Variants in EIF4G3 observed in about 807,000 individuals in gnomAD.
EIF4G3 encodes eIF-4-gamma 3.
EIF4G3 carries 34 observed loss-of-function variants against 186.4 expected under a neutral mutation model. The observed-to-expected ratio is 0.18, with a 90% CI of 0.14 to 0.24. EIF4G3 has a LOEUF of 0.24. Ranked by LOEUF, EIF4G3 falls within the 10% of genes least tolerant of loss-of-function variation. EIF4G3 has a pLI of 1.00. For synonymous variants in EIF4G3, 673 were observed against 679.5 expected, an observed-to-expected ratio of 0.99 and a Z score of 0.15; for missense variants, 1,536 against 1,948.5, an observed-to-expected ratio of 0.79 and a Z score of 3.99.
intron 24 of EIF4G3, among the ~76,000 whole-genome samples, chr1:20,858,147 T>C (rs893582316): frequency 6.6e-6 from 1 of 152,206 alleles, no homozygotes. Context: ...TGGCAGCCAG[T>C]GTGATCCTAG....
chr1:21,018,577 T>C (rs2089881628), intron 4 of EIF4G3, among the ~76,000 whole-genome samples: 1 of 149,606 alleles, frequency 6.7e-6, no homozygotes, highest in Non-Finnish European at 1.5e-5. Context: ...AAAAAAAAAA[T>C]TAAGGTGGTA....
At chr1:20,815,883 T>C in intron 34 of EIF4G3, among the ~76,000 whole-genome samples, 1 of 79,676 alleles carries the variant, frequency 1.3e-5, no homozygotes. Context: ...GGAGGGGGGG[T>C]CAGCCCCCTG....
chr1:21,136,176 C>T (rs1173285012), intron 2 of EIF4G3, among the ~76,000 whole-genome samples: 1 of 148,906 alleles, frequency 6.7e-6, no homozygotes, highest in Non-Finnish European at 1.5e-5. Context: ...GGCGACAGAG[C>T]GAGACTCCGT....
intron 2 of EIF4G3, among the ~76,000 whole-genome samples, chr1:21,113,843 C>T (rs776911671): frequency 6.6e-6 from 1 of 152,066 alleles, no homozygotes; most frequent in Non-Finnish European, 1.5e-5. Context: ...GGTAAAACCC[C>T]GTCTCTTCAA....
chr1:20,995,121 C>T (rs562494213), intron 7 of EIF4G3, among the ~76,000 whole-genome samples: 18 of 152,114 alleles, frequency 1.2e-4, no homozygotes, highest in Non-Finnish European at 4.4e-5. Context: ...TAAAGAAAGA[C>T]AAAATGTACC....
chr1:20,906,960 G>A (rs974998611), intron 14 of EIF4G3, among the ~76,000 whole-genome samples: 2 of 152,002 alleles, frequency 1.3e-5, no homozygotes, highest in African/African-American at 2.4e-5. Flanking sequence ...GGAGTAGAAG[G>A]GAAGCAGTCA....
chr1:20,981,809 TA>T (rs1182422644), intron 8 of EIF4G3, among the ~76,000 whole-genome samples: 4 of 151,550 alleles, frequency 2.6e-5, no homozygotes, highest in Non-Finnish European at 5.9e-5. Context: ...ACATACTGTA[TA>T]TATACATACA....
intron 2 of EIF4G3, among the ~76,000 whole-genome samples, chr1:21,169,352 G>A (rs1184814530): frequency 6.6e-6 from 1 of 152,100 alleles, no homozygotes; most frequent in African/African-American, 2.4e-5. Flanking sequence ...TTGGGAGGCT[G>A]AGGCAGAATT....
chr1:21,002,614 T>C, intron 5 of EIF4G3, 99 bp downstream of exon 5: 1 of 1,274,848 alleles, frequency 7.8e-7, no homozygotes, highest in Non-Finnish European at 1.1e-6. Context: ...GGAACAAACT[T>C]CCAAAATCCA....
chr1:21,095,039 A>G (rs573209879), intron 2 of EIF4G3, among the ~76,000 whole-genome samples: 2 of 152,174 alleles, frequency 1.3e-5, no homozygotes, highest in African/African-American at 4.8e-5. Flanking sequence ...TTTCAACTCA[A>G]TTTAATGCTG....
chr1:20,867,890 A>C (rs186157993), intron 20 of EIF4G3, among the ~76,000 whole-genome samples: 2 of 152,314 alleles, frequency 1.3e-5, no homozygotes, highest in East Asian at 3.9e-4. Context: ...GGAAGTATTA[A>C]AACTGAATAA....
At chr1:20,873,589 G>A (rs765125171) in intron 20 of EIF4G3, among the ~76,000 whole-genome samples, 3 of 142,062 alleles carry the variant, frequency 2.1e-5, no homozygotes, top group Admixed American at 7.5e-5. Context: ...GGTTATATTC[G>A]TCTTTAAAAA....
chr1:20,959,559 G>C (rs2096524163), intron 12 of EIF4G3, among the ~76,000 whole-genome samples: 1 of 151,366 alleles, frequency 6.6e-6, no homozygotes, highest in African/African-American at 2.4e-5. Flanking sequence ...AAAACCTTTT[G>C]CACAGCAAAA....
chr1:20,996,561 A>G (rs531300747), intron 7 of EIF4G3, among the ~76,000 whole-genome samples: 18 of 152,204 alleles, frequency 1.2e-4, no homozygotes, highest in Admixed American at 3.3e-4. Flanking sequence ...GCCTTCAACT[A>G]AACAATATCC....
chr1:21,132,337 C>A (rs1290680653), intron 2 of EIF4G3, among the ~76,000 whole-genome samples: 1 of 151,746 alleles, frequency 6.6e-6, no homozygotes, highest in Non-Finnish European at 1.5e-5. Context: ...CATTTTGTTG[C>A]TTTAATTAAA....
chr1:21,075,557 A>G (rs1462785518), intron 3 of EIF4G3, among the ~76,000 whole-genome samples: 1 of 123,148 alleles, frequency 8.1e-6, no homozygotes, highest in East Asian at 2.8e-4. Flanking sequence ...CAACAGAGTG[A>G]GACTCCAACT....
At chr1:21,060,935 A>G (rs977426002) in intron 3 of EIF4G3, among the ~76,000 whole-genome samples, 1 of 152,206 alleles carries the variant, frequency 6.6e-6, no homozygotes, top group African/African-American at 2.4e-5. Flanking sequence ...TTTAACATAT[A>G]TTTATTGAGA....
At chr1:21,117,998 C>T (rs1004419472) in intron 2 of EIF4G3, among the ~76,000 whole-genome samples, 1 of 152,138 alleles carries the variant, frequency 6.6e-6, no homozygotes, top group Non-Finnish European at 1.5e-5. Context: ...CTCACATTGG[C>T]CCCTGCAAAC....
chr1:20,988,800 A>G (rs957705855), intron 7 of EIF4G3, among the ~76,000 whole-genome samples: 3 of 151,832 alleles, frequency 2.0e-5, no homozygotes, highest in Admixed American at 2.0e-4. Context: ...TTATTATTTA[A>G]GAAGTATATT....
Sources: gnomAD v4.1 joint callset for allele counts (sites outside exome capture counted in the v4.1 genomes callset) on GRCh38, gnomAD v4.1.1 for gene constraint, MANE v1.5 for transcripts, NCBI Gene and HGNC (gene_info 2026-07-23, HGNC 2026-07-21) for gene names.